AEBP2: variants seen among roughly 807,000 people sequenced by gnomAD.
AEBP2 encodes the protein AE binding protein 2, also known as zinc finger protein AEBP2.
AEBP2 carries 10 observed loss-of-function variants against 50.8 expected under a neutral mutation model. That is an observed-to-expected ratio of 0.20 (90% confidence interval 0.12 to 0.33). AEBP2 has a LOEUF of 0.33. Among genes scored for constraint, AEBP2 ranks in the 10% least tolerant of loss-of-function variants. The pLI is 1.00. For missense variants in AEBP2, 570 were observed against 688.0 expected, an observed-to-expected ratio of 0.83 and a Z score of 1.92; for synonymous variants, 296 against 261.3, an observed-to-expected ratio of 1.13 and a Z score of -1.28.
intron 1 of AEBP2, among the ~76,000 whole-genome samples, chr12:19,446,953 T>A (rs921596873): frequency 3.3e-5 from 5 of 151,822 alleles, no homozygotes; most frequent in African/African-American, 1.2e-4. Flanking sequence ...AACAAAAAAA[T>A]TAGAGTTGGA....
chr12:19,510,173 GA>G (rs1949213645), intron 5 of AEBP2, among the ~76,000 whole-genome samples: 1 of 152,062 alleles, frequency 6.6e-6, no homozygotes, highest in African/African-American at 2.4e-5. Context: ...CCATTTATTG[GA>G]AATGTTTGGG....
chr12:19,454,928 A>G (rs563329571), intron 1 of AEBP2, among the ~76,000 whole-genome samples: 1 of 152,312 alleles, frequency 6.6e-6, no homozygotes, highest in South Asian at 2.1e-4. Flanking sequence ...TCAGAATAAA[A>G]TAAAAGTATT....
Position 19,519,930 on chromosome 12 carries a change from G to A in AEBP2, c.*1813G>A, listed in dbSNP as rs531082286. ...AAGGGTATTATCCATTTGATCTATA[G>A]CAATGTGATTTTATTTTTAAAAAGA... is the stretch of plus-strand genomic sequence containing the variant. On this transcript the variant is annotated 3_prime_UTR_variant, in exon 8 of 8. Coordinates refer to ENST00000266508, the MANE Select transcript of AEBP2 (RefSeq NM_153207.5). 1.3e-4 allele frequency: 20 copies of A among 152,492 alleles called. No homozygotes were observed. The highest frequency in any genetic ancestry group is 1.8e-4 in the Non-Finnish European group (12 of 67,964). The allele number at this position is 152,492 out of a possible 1,614,324, so 9.4% of individuals were successfully genotyped here.
At chr12:19,414,618 C>T (rs1249571210) in intron 1 of AEBP2, among the ~76,000 whole-genome samples, 1 of 152,162 alleles carries the variant, frequency 6.6e-6, no homozygotes, top group Admixed American at 6.6e-5. Flanking sequence ...AGGCACCTCA[C>T]TCTTCTCACC....
intron 3 of AEBP2, among the ~76,000 whole-genome samples, chr12:19,476,568 C>G (rs1023957921): frequency 1.3e-5 from 2 of 152,176 alleles, no homozygotes; most frequent in Non-Finnish European, 2.9e-5. Flanking sequence ...TCTCGAACTC[C>G]TGACCTCAAG....
chr12:19,419,371 C>T (rs535355755), intron 1 of AEBP2, among the ~76,000 whole-genome samples: 4 of 151,742 alleles, frequency 2.6e-5, no homozygotes, highest in African/African-American at 4.8e-5. Context: ...TGGCGGATCA[C>T]GAGGTCAGGA....
chr12:19,448,666 A>C (rs142593521), intron 1 of AEBP2, among the ~76,000 whole-genome samples: 2 of 152,110 alleles, frequency 1.3e-5, no homozygotes, highest in African/African-American at 4.8e-5. Flanking sequence ...AAAGAAAAAG[A>C]GAACAGTTTT....
At chr12:19,472,605 A>G (rs1309739426) in intron 2 of AEBP2, among the ~76,000 whole-genome samples, 2 of 152,148 alleles carry the variant, frequency 1.3e-5, no homozygotes, top group Admixed American at 1.3e-4. Flanking sequence ...TCATTACAAA[A>G]TTTCATATTC....
chr12:19,454,005 A>T (rs1319163918), intron 1 of AEBP2, among the ~76,000 whole-genome samples: 1 of 151,960 alleles, frequency 6.6e-6, no homozygotes, highest in Non-Finnish European at 1.5e-5. Context: ...TTGGTTCTGC[A>T]AATCTGATTT....
Position 19,462,496 on chromosome 12 carries a change from T to C in AEBP2, c.672-14T>C, listed in dbSNP as rs777104538. ...ATTTCTAGGAATAACACAGCCTTTT[T>C]TCTTCTTTTGTAGCATAAGCAGTAC... On this transcript the variant is annotated splice_polypyrimidine_tract_variant and intron_variant, in intron 1 of 7. Coordinates refer to ENST00000266508, the MANE Select transcript of AEBP2 (RefSeq NM_153207.5). 1.9e-6 allele frequency: 3 copies of C among 1,590,698 alleles called. No individual in the cohort carries two copies. The East Asian group carries it at 6.8e-5, about 36-fold the overall frequency.
intron 1 of AEBP2, among the ~76,000 whole-genome samples, chr12:19,449,455 T>C (rs1242326093): frequency 6.6e-6 from 1 of 152,164 alleles, no homozygotes; most frequent in Non-Finnish European, 1.5e-5. Flanking sequence ...GGTGATAGAT[T>C]TGATATGAGA....
chr12:19,443,141 G>T (rs1489306425), intron 1 of AEBP2, among the ~76,000 whole-genome samples: 1 of 151,366 alleles, frequency 6.6e-6, no homozygotes, highest in Non-Finnish European at 1.5e-5. Context: ...CTATCGCCCA[G>T]GCTGGAGTGC....
intron 1 of AEBP2, among the ~76,000 whole-genome samples, chr12:19,451,835 G>T (rs926414822): frequency 1.6e-4 from 24 of 152,130 alleles, no homozygotes; most frequent in African/African-American, 5.8e-4. Context: ...CTGAGTAGCT[G>T]GGACTACAGT....
intron 1 of AEBP2, among the ~76,000 whole-genome samples, chr12:19,441,690 T>G (rs1252262758): frequency 2.6e-5 from 4 of 152,344 alleles, no homozygotes; most frequent in Middle Eastern, 3.4e-3. Flanking sequence ...TAAAGTAGAC[T>G]GTATAAACCT....
Position 19,504,483 on chromosome 12 carries a change from A to G in AEBP2, c.1299+4262A>G, listed in dbSNP as rs576604596. On this transcript the variant is annotated intron_variant, in intron 5 of 7. Transcript: ENST00000266508. ...TCTCGATCTCCTGACCTTGTGATCC[A>G]CCCACCTCGGCCTCCCAAAGCCCTG... Among the ~76,000 whole-genome samples, 10 of 151,674 alleles carry G rather than the reference A, an allele frequency of 6.6e-5. No individual in the cohort carries two copies. In the East Asian group the frequency reaches 1.9e-3, roughly 30 times the overall value.
At chr12:19,488,282 ATT>A (rs914834219) in intron 3 of AEBP2, among the ~76,000 whole-genome samples, 7 of 147,048 alleles carry the variant, frequency 4.8e-5, no homozygotes, top group African/African-American at 1.8e-4. Flanking sequence ...TGCCTGGCTA[ATT>A]TTTGTATTTT....
chr12:19,412,821 A>C (rs1446019627), intron 1 of AEBP2, among the ~76,000 whole-genome samples: 2 of 151,800 alleles, frequency 1.3e-5, no homozygotes, highest in Admixed American at 1.3e-4. Context: ...AAGTGAAAGC[A>C]AGTTTATTAA....
rs750617564 is a variant in AEBP2 at position 19,439,781 on chromosome 12, G to T, written c.82G>T (p.Ala28Ser). Residue 28 changes from alanine (A) to serine (S), a missense_variant, in exon 1 of 8, where the codon GCG becomes TCG. By Grantham distance (99) the Ala-to-Ser change is moderately conservative. This residue lies in a region of AEBP2 where 386 missense variants were observed against 336.8 expected (regional missense o/e 1.15). Coordinates refer to ENST00000266508, the MANE Select transcript of AEBP2 (RefSeq NM_153207.5). Reference protein sequence around the residue: ...SPLPPGSPGSAARGRAEPPEE... With the variant: ...SPLPPGSPGSSARGRAEPPEE... ...TCTGCCCCCCGGCAGCCCGGGTTCG[G>T]CGGCGCGGGGCCGGGCTGAGCCCCC... 1 of 1,515,990 alleles carries T rather than the reference G, an allele frequency of 6.6e-7. No individual in the cohort carries two copies. Among genetic ancestry groups the T allele is most frequent in the Admixed American group, 2.0e-5 (1 of 49,880 alleles). 93.9% of individuals were successfully genotyped at this position (1,515,990 alleles called of 1,614,324 possible).
At chr12:19,451,743 T>G (rs1948169568) in intron 1 of AEBP2, among the ~76,000 whole-genome samples, 1 of 151,202 alleles carries the variant, frequency 6.6e-6, no homozygotes, top group African/African-American at 2.4e-5. Context: ...CAGGCTGGAG[T>G]ACAGTGGCTG....
Sources: gnomAD v4.1 joint callset for allele counts (sites outside exome capture counted in the v4.1 genomes callset) on GRCh38, gnomAD v4.1.1 for gene constraint, gnomAD v4.1.1 regional missense constraint, MANE v1.5 for transcripts, NCBI Gene and HGNC (gene_info 2026-07-23, HGNC 2026-07-21) for gene names.